The following PCDHA13 variants were observed in gnomAD, a reference collection of about 807,000 sequenced individuals.
The protein encoded by PCDHA13 is protocadherin alpha-13.
Under a neutral mutation model 64.8 loss-of-function variants are expected in PCDHA13, and 54 were observed. The observed-to-expected ratio is 0.83, with a 90% CI of 0.67 to 1.04. The LOEUF is 1.04. PCDHA13 is among the 50% of genes least tolerant of loss of function. The pLI is 0.00. For missense variants in PCDHA13, 1,248 were observed against 1,254.3 expected (o/e 0.99, Z 0.08); for synonymous variants, 587 against 564.4 (o/e 1.04, Z -0.57).
chr5:140,882,600 A>G lies in PCDHA13; in HGVS notation c.332A>G (p.Asp111Gly). 6.2e-7 allele frequency: 1 copy of G among 1,614,252 alleles called. No individual in the cohort carries two copies. Among genetic ancestry groups the G allele is most frequent in the East Asian group, 2.2e-5 (1 of 44,890 alleles). The change falls in exon 1 of 4, where the codon GAC (aspartate) becomes GGC (glycine). Residue 111 changes from aspartate to glycine, a missense_variant. By Grantham distance (94) the Asp-to-Gly change is moderately conservative. Transcript: ENST00000289272. ...AGCATCCACCTGGAGGTGATCGTGG[A>G]CAGGCCTCTGCAGGTTTTCCATGTG... ...ECSIHLEVIVDRPLQVFHVEV... is the reference protein window; with the variant it reads ...ECSIHLEVIVGRPLQVFHVEV...
At chr5:140,973,089 T>G (rs534319830) in intron 1 of PCDHA13, among the ~76,000 whole-genome samples, 2 of 152,308 alleles carry the variant, frequency 1.3e-5, no homozygotes, top group East Asian at 3.9e-4. Flanking sequence ...TGGCACAACA[T>G]GTAGAAATTA....
At chr5:140,890,112 T>C (rs2062493777) in intron 1 of PCDHA13, among the ~76,000 whole-genome samples, 1 of 152,184 alleles carries the variant, frequency 6.6e-6, no homozygotes, top group Non-Finnish European at 1.5e-5. Flanking sequence ...CTGGATTCAA[T>C]GATGTCACTT....
In PCDHA13 at chr5:140,927,251, A is replaced by G. The variant is rs782356440; in HGVS notation, c.2394+42589A>G. The G allele has an allele frequency of 7.4e-6, 12 of 1,613,434 alleles. No homozygotes were observed. The Admixed American group carries it at 1.2e-4, about 16-fold the overall frequency. On this transcript the variant is annotated intron_variant, in intron 1 of 3. Transcript: ENST00000289272. The stretch of plus-strand genomic sequence containing the variant: ...ATTCACGTCCTGGACACCAATGACA[A>G]CTCACCTCTCTTTCCTGCCGGCGAC...
At chr5:140,929,330 G>A (rs2086062257) in intron 1 of PCDHA13, 1 of 1,535,218 alleles carries the variant, frequency 6.5e-7, no homozygotes, top group Non-Finnish European at 8.8e-7. Flanking sequence ...GCCATGGTAA[G>A]CAAATTTTAT....
chr5:140,901,767 T>C (rs1341707404), intron 1 of PCDHA13, among the ~76,000 whole-genome samples: 5 of 152,252 alleles, frequency 3.3e-5, no homozygotes, highest in African/African-American at 1.2e-4. Flanking sequence ...AGGGATTGCA[T>C]TGAATTTGTA....
At chr5:140,999,592 C>T (rs1443096475) in intron 3 of PCDHA13, among the ~76,000 whole-genome samples, 2 of 152,114 alleles carry the variant, frequency 1.3e-5, no homozygotes, top group Non-Finnish European at 2.9e-5. Flanking sequence ...ATTGCCTTCC[C>T]TACATCCTGG....
At chr5:140,967,649 T>C in intron 1 of PCDHA13, 1 of 1,614,132 alleles carries the variant, frequency 6.2e-7, no homozygotes. Context: ...GCTCAGGTAC[T>C]CCTTGAGCAG....
chr5:141,011,429 A>G lies in PCDHA13; in HGVS notation c.*1492A>G, dbSNP rs1554263477. ...TGTGTATGTGAATGTTAATGCAACT[A>G]TTACCTAGAGTGAACTTTAAGCTTT... On this transcript the variant is annotated 3_prime_UTR_variant, in exon 4 of 4. Coordinates refer to ENST00000289272, the MANE Select transcript of PCDHA13 (RefSeq NM_018904.3). 1.3e-5 allele frequency: 2 copies of G among 153,758 alleles called. No homozygotes were observed. Among genetic ancestry groups the G allele is most frequent in the Non-Finnish European group, 2.9e-5 (2 of 68,036 alleles). 9.5% of individuals were successfully genotyped at this position (153,758 alleles called of 1,614,324 possible).
chr5:140,907,114 G>A (rs1422379312), intron 1 of PCDHA13, among the ~76,000 whole-genome samples: 1 of 152,164 alleles, frequency 6.6e-6, no homozygotes, highest in Non-Finnish European at 1.5e-5. Context: ...TCCACCCCTT[G>A]ATTCCTGGAC....
In PCDHA13 at chr5:140,924,908, AAAT is replaced by A. The variant is rs1554202345; in HGVS notation, c.2394+40249_2394+40251del. ...AGAACCTGTCTCAAAAAAAAAAATA[AAAT>A]AAAATAAAATAAAATAAAATAAAAT... On this transcript the variant is annotated intron_variant, in intron 1 of 3. Coordinates refer to ENST00000289272, the MANE Select transcript of PCDHA13 (RefSeq NM_018904.3). Among the ~76,000 whole-genome samples the A allele has an allele frequency of 9.0e-4, 53 of 58,926 alleles. 1 individual carries two copies. The highest frequency in any genetic ancestry group is 2.8e-3 in the African/African-American group (51 of 18,360). The allele number at this position is 58,926 out of a possible 152,430, so 38.7% of individuals were successfully genotyped here. A position where few individuals can be genotyped will look rare whatever the true frequency, so the allele number is the denominator to read the frequency against.
chr5:140,886,463 GT>G (rs1387154249), intron 1 of PCDHA13, among the ~76,000 whole-genome samples: 5 of 152,042 alleles, frequency 3.3e-5, no homozygotes, highest in East Asian at 1.9e-4. Flanking sequence ...ATATATAAAT[GT>G]TTTTAAAATG....
chr5:140,915,630 C>G (rs2077218866), intron 1 of PCDHA13, among the ~76,000 whole-genome samples: 1 of 142,802 alleles, frequency 7.0e-6, no homozygotes, highest in South Asian at 2.1e-4. Flanking sequence ...CTTTCTGTCT[C>G]TCTCTCTCTC....
rs782792864 is a variant in PCDHA13, at chr5:140,882,558, G to C, written c.290G>C (p.Gly97Ala). Residue 97 changes from glycine (G) to alanine (A), a missense_variant, in exon 1 of 4, where the codon GGG (glycine) becomes GCG (alanine). Coordinates refer to ENST00000289272, the MANE Select transcript of PCDHA13 (RefSeq NM_018904.3). ...NSRIDREELC[G>A]RSAECSIHLE... ...CGGATCGACCGCGAGGAGCTGTGTG[G>C]GCGGAGCGCGGAGTGCAGCATCCAC... 1.9e-6 allele frequency: 3 copies of C among 1,614,130 alleles called. No homozygotes were observed. Among genetic ancestry groups the C allele is most frequent in the African/African-American group, 1.3e-5 (1 of 74,942 alleles).
Position 140,883,589 on chromosome 5 carries a change from G to C in PCDHA13, c.1321G>C (p.Val441Leu), listed in dbSNP as rs782300348. ...GCCTTCGCTGTGGGCCACGGCCAGC[G>C]TGTCGGTGGGGGTGGCCGACGTGAA... ...GSPSLWATAS[V>L]SVGVADVNDN... The change falls in exon 1 of 4, where the codon GTG (valine) becomes CTG (leucine). Residue 441 changes from valine to leucine, a missense_variant. By Grantham distance (32) the Val-to-Leu change is conservative. Coordinates refer to ENST00000289272, the MANE Select transcript of PCDHA13 (RefSeq NM_018904.3). The C allele has an allele frequency of 6.2e-7, 1 of 1,614,014 alleles. No homozygotes were observed. Among genetic ancestry groups the C allele is most frequent in the Non-Finnish European group, 8.5e-7 (1 of 1,179,948 alleles).
At chr5:140,893,039 C>A (rs1024548713) in intron 1 of PCDHA13, among the ~76,000 whole-genome samples, 49 of 152,306 alleles carry the variant, frequency 3.2e-4, no homozygotes, top group African/African-American at 1.1e-3. Flanking sequence ...TAACATATGC[C>A]CTCCAGGCTC....
chr5:140,975,207 G>A (rs2096658071), intron 1 of PCDHA13, among the ~76,000 whole-genome samples: 1 of 152,180 alleles, frequency 6.6e-6, no homozygotes. Flanking sequence ...CTTCATGGCT[G>A]GCACTGGAGA....
intron 3 of PCDHA13, among the ~76,000 whole-genome samples, chr5:140,994,538 A>G (rs1554254218): frequency 1.8e-5 from 2 of 111,930 alleles, no homozygotes; most frequent in African/African-American, 9.1e-5. Context: ...CCCCATCTCT[A>G]CAAAAAAAAT....
intron 1 of PCDHA13, among the ~76,000 whole-genome samples, chr5:140,954,350 GA>G (rs1255818394): frequency 6.6e-6 from 1 of 152,156 alleles, no homozygotes; most frequent in Non-Finnish European, 1.5e-5. Context: ...GATCTTTGAG[GA>G]ATCGCCACAC....
At position 140,967,080 on chromosome 5, in the gene PCDHA13, T is replaced by C. The variant is rs781942171; in HGVS notation, c.2395-11869T>C. On this transcript the variant is annotated intron_variant, in intron 1 of 3. Transcript: ENST00000289272. The stretch of plus-strand genomic sequence containing the variant: ...GGAGCGCTCTTCGTCAACGAGCGCA[T>C]TGATCGGGAGGCGCTGTGTGAGCAG... 168 of 1,613,222 alleles carry C rather than the reference T, an allele frequency of 1.0e-4. No homozygotes were observed. The highest frequency in any genetic ancestry group is 3.7e-4 in the Admixed American group (22 of 60,010).
Sources: allele counts gnomAD v4.1 joint callset (sites outside exome capture counted in the v4.1 genomes callset), GRCh38; gene constraint gnomAD v4.1.1; transcripts MANE v1.5; gene names NCBI Gene and HGNC (gene_info 2026-07-23, HGNC 2026-07-21).